Variants in CSMD1 observed in about 807,000 individuals in gnomAD.
CSMD1 encodes CUB and Sushi multiple domains 1, also known as CUB and sushi domain-containing protein 1.
A neutral mutation model predicts 417.5 loss-of-function variants in CSMD1; 213 were observed. That is an observed-to-expected ratio of 0.51 (90% confidence interval 0.46 to 0.57). The LOEUF is 0.57. Among genes scored for constraint, CSMD1 ranks in the 20% least tolerant of loss-of-function variants. The pLI is 0.00. For missense variants in CSMD1, 6,923 were observed against 4,529.7 expected (o/e 1.53, Z -15.17); for synonymous variants, 2,862 against 1,736.8 (o/e 1.65, Z -16.11).
intron 3 of CSMD1, among the ~76,000 whole-genome samples, chr8:4,185,539 C>T (rs1798618205): frequency 6.6e-6 from 1 of 152,114 alleles, no homozygotes; most frequent in South Asian, 2.1e-4. Flanking sequence ...TAAAGAGAAA[C>T]ATGCGCTAAT....
At chr8:4,196,635 C>CA (rs1799355872) in intron 3 of CSMD1, among the ~76,000 whole-genome samples, 1 of 152,142 alleles carries the variant, frequency 6.6e-6, no homozygotes, top group African/African-American at 2.4e-5. Flanking sequence ...ATGCTGGGTC[C>CA]AGTCCTCATT....
chr8:3,260,867 A>G (rs1801008090), intron 26 of CSMD1, among the ~76,000 whole-genome samples: 1 of 152,222 alleles, frequency 6.6e-6, no homozygotes, highest in Non-Finnish European at 1.5e-5. Flanking sequence ...GACAAGCTAC[A>G]GACTGGGAGA....
intron 26 of CSMD1, among the ~76,000 whole-genome samples, chr8:3,275,661 C>T (rs529330282): frequency 2.3e-4 from 35 of 152,250 alleles, no homozygotes; most frequent in South Asian, 8.3e-4. Context: ...CTTCCCTTCT[C>T]GCTTCATTTC....
intron 2 of CSMD1, among the ~76,000 whole-genome samples, chr8:4,523,615 C>A (rs912861031): frequency 1.3e-5 from 2 of 152,040 alleles, no homozygotes; most frequent in Non-Finnish European, 2.9e-5. Context: ...AGAAATAATG[C>A]AAGTCAGAAA....
chr8:4,103,485 T>G (rs570749798), intron 3 of CSMD1, among the ~76,000 whole-genome samples: 1 of 150,428 alleles, frequency 6.6e-6, no homozygotes, highest in South Asian at 2.1e-4. Context: ...GGGTTTTACA[T>G]ATATATAAAT....
intron 3 of CSMD1, among the ~76,000 whole-genome samples, chr8:4,202,136 A>C (rs531016195): frequency 6.6e-6 from 1 of 152,040 alleles, no homozygotes; most frequent in African/African-American, 2.4e-5. Context: ...ACATCTTTCA[A>C]TCAGCCATTT....
chr8:3,154,175 G>T (rs1171954842), intron 39 of CSMD1, among the ~76,000 whole-genome samples: 2 of 152,202 alleles, frequency 1.3e-5, no homozygotes, highest in Non-Finnish European at 2.9e-5. Context: ...GTTTCACCAT[G>T]TTGGTCAGGC....
intron 6 of CSMD1, among the ~76,000 whole-genome samples, chr8:3,714,741 C>CA (rs528986084): frequency 4.8e-4 from 73 of 151,478 alleles, no homozygotes; most frequent in African/African-American, 1.7e-3. Context: ...TTTAGTTTCT[C>CA]AAAAAAACAA....
intron 3 of CSMD1, among the ~76,000 whole-genome samples, chr8:4,235,055 C>T (rs937257134): frequency 2.0e-5 from 3 of 152,090 alleles, no homozygotes; most frequent in South Asian, 2.1e-4. Flanking sequence ...TTTAAGGGGA[C>T]GCATTCCATC....
chr8:3,425,665 G>A (rs1047166914), intron 12 of CSMD1, among the ~76,000 whole-genome samples: 4 of 151,786 alleles, frequency 2.6e-5, no homozygotes, highest in Admixed American at 2.0e-4. Context: ...AGCCCAGAGA[G>A]TTTTCATTAC....
At chr8:4,962,103 A>AT (rs952197429) in intron 1 of CSMD1, among the ~76,000 whole-genome samples, 90 of 80,618 alleles carry the variant, frequency 1.1e-3, no homozygotes, top group Middle Eastern at 0.017. Flanking sequence ...GTAAGTATGT[A>AT]TTTTTTTGTT....
At chr8:3,172,531 G>C (rs892439725) in intron 37 of CSMD1, among the ~76,000 whole-genome samples, 1 of 152,148 alleles carries the variant, frequency 6.6e-6, no homozygotes, top group Non-Finnish European at 1.5e-5. Context: ...AATTAGCAGA[G>C]ACCACATTGA....
intron 1 of CSMD1, among the ~76,000 whole-genome samples, chr8:4,721,683 A>G (rs868363614): frequency 2.0e-5 from 3 of 152,276 alleles, no homozygotes; most frequent in South Asian, 2.1e-4. Context: ...AATATCATAT[A>G]ACCCAGCAAT....
At chr8:4,439,699 T>A (rs1010004048) in intron 2 of CSMD1, among the ~76,000 whole-genome samples, 2 of 152,158 alleles carry the variant, frequency 1.3e-5, no homozygotes, top group African/African-American at 4.8e-5. Context: ...AAGGCAGGGT[T>A]TAAATTTAGT....
chr8:3,879,175 T>C (rs942863657), intron 5 of CSMD1, among the ~76,000 whole-genome samples: 2 of 152,128 alleles, frequency 1.3e-5, no homozygotes, highest in Non-Finnish European at 2.9e-5. Context: ...CAGGTGGTGG[T>C]TTATTACAGC....
At chr8:3,483,087 T>C (rs1045677792) in intron 11 of CSMD1, among the ~76,000 whole-genome samples, 10 of 152,030 alleles carry the variant, frequency 6.6e-5, no homozygotes, top group African/African-American at 9.6e-5. Context: ...TAATGCAAAA[T>C]AGACTCAAAG....
At chr8:3,283,857 T>G (rs568617500) in intron 26 of CSMD1, among the ~76,000 whole-genome samples, 10 of 152,348 alleles carry the variant, frequency 6.6e-5, no homozygotes, top group Non-Finnish European at 1.5e-4. Context: ...TTTCTCTCTT[T>G]CTTTGGGTCT....
intron 4 of CSMD1, among the ~76,000 whole-genome samples, chr8:4,024,270 C>A (rs1219147232): frequency 6.6e-6 from 1 of 152,174 alleles, no homozygotes; most frequent in East Asian, 1.9e-4. Flanking sequence ...AGAAAGTTCA[C>A]AACGGATAAA....
At chr8:4,373,295 G>A (rs111569951) in intron 3 of CSMD1, among the ~76,000 whole-genome samples, 2 of 151,970 alleles carry the variant, frequency 1.3e-5, no homozygotes, top group South Asian at 4.2e-4. Flanking sequence ...GGGACAGAAA[G>A]GGAACATTAG....
Sources: gnomAD v4.1 joint callset for allele counts (sites outside exome capture counted in the v4.1 genomes callset) on GRCh38, gnomAD v4.1.1 for gene constraint, MANE v1.5 for transcripts, NCBI Gene and HGNC (gene_info 2026-07-23, HGNC 2026-07-21) for gene names.